Variants in CROCC2 observed in about 807,000 individuals in gnomAD.
CROCC2 encodes the protein ciliary rootlet coiled-coil, rootletin family member 2, also known as ciliary rootlet coiled-coil protein 2.
A neutral mutation model predicts 177.6 loss-of-function variants in CROCC2; 163 were observed. The observed-to-expected ratio is 0.92, with a 90% confidence interval of 0.81 to 1.05. The LOEUF (loss-of-function observed/expected upper bound fraction) is 1.05. CROCC2 is among the 50% of genes least tolerant of loss of function. The probability of loss-of-function intolerance (pLI) is 0.00; values close to 1 mark genes in which losing one functional copy is unlikely to be tolerated. For missense variants in CROCC2, 1,929 were observed against 1,797.8 expected, an observed-to-expected ratio of 1.07 and a Z score of -1.32; for synonymous variants, 904 against 787.3, an observed-to-expected ratio of 1.15 and a Z score of -2.48.
At chr2:240,992,105 G>A (rs2059883827) in intron 31 of CROCC2, among the ~76,000 whole-genome samples, 1 of 152,246 alleles carries the variant, frequency 6.6e-6, no homozygotes, top group Non-Finnish European at 1.5e-5. Context: ...TTGCTATGGA[G>A]ACCCAGGCGG....
rs141972691 is a variant in CROCC2 at position 240,918,193 on chromosome 2, G to A, written c.79-533G>A. Among the ~76,000 whole-genome samples, 129 of 152,314 alleles carry A rather than the reference G, an allele frequency of 8.5e-4. No individual in the cohort carries two copies. Among genetic ancestry groups the A allele is most frequent in the Non-Finnish European group, 1.6e-3 (106 of 68,016 alleles). ...GTGGGCAGCTGAGCAGAGAAGGATG[G>A]GTTCAGCCTCAGCCCTCTGACCCAT... On this transcript the variant is annotated intron_variant, in intron 1 of 31. Coordinates refer to ENST00000690015, the MANE Select transcript of CROCC2 (RefSeq NM_001351305.2). This position sits in a 1 kb window ranked among gnomAD's most constrained non-coding sequence, Gnocchi z 6.3.
chr2:240,910,666 C>G (rs969918389), intron 1 of CROCC2, among the ~76,000 whole-genome samples: 1 of 152,150 alleles, frequency 6.6e-6, no homozygotes, highest in Non-Finnish European at 1.5e-5. Context: ...TGATACTAGC[C>G]GCGTACCGGC....
intron 20 of CROCC2, among the ~76,000 whole-genome samples, chr2:240,961,515 A>T (rs998679428): frequency 6.8e-6 from 1 of 148,020 alleles, no homozygotes; most frequent in Non-Finnish European, 1.5e-5. Flanking sequence ...TGCACACCAC[A>T]TACAGAGTGG....
chr2:240,940,285 A>C (rs11684777), intron 14 of CROCC2, among the ~76,000 whole-genome samples: 26,834 of 151,952 alleles, frequency 0.18, 2,574 homozygotes, highest in African/African-American at 0.22. Context: ...TTAGTATTTT[A>C]TTTCTTCATG....
intron 1 of CROCC2, among the ~76,000 whole-genome samples, chr2:240,915,425 C>A (rs942560595): frequency 1.3e-5 from 2 of 152,206 alleles, no homozygotes; most frequent in Non-Finnish European, 2.9e-5. Flanking sequence ...ACACGTGGTC[C>A]ATCCACTGCA....
Position 240,967,424 on chromosome 2 carries a change from G to C in CROCC2, c.4226G>C (p.Arg1409Pro). The change falls in exon 26 of 32, where the codon CGC becomes CCC. Residue 1409 changes from arginine (R) to proline (P), a missense_variant. Transcript: ENST00000690015. ...AECRCARAQSRVGQLQKALAE... is the reference protein window; with the variant it reads ...AECRCARAQSPVGQLQKALAE... ...TGCAGGTGTGCCCGGGCCCAGAGCCGCGTGGGGCAGCTGCAGAAAGCCCTG... is the reference window on the plus strand; with the variant it reads ...TGCAGGTGTGCCCGGGCCCAGAGCCCCGTGGGGCAGCTGCAGAAAGCCCTG... 8.1e-7 allele frequency: 1 copy of C among 1,235,460 alleles called. No homozygotes were observed. The highest frequency in any genetic ancestry group is 1.2e-6 in the Non-Finnish European group (1 of 859,488). The allele number at this position is 1,235,460 out of a possible 1,614,324, so 76.5% of individuals were successfully genotyped here. A position where few individuals can be genotyped will look rare whatever the true frequency, so the allele number is the denominator to read the frequency against.
chr2:240,961,339 A>G (rs13009903), intron 20 of CROCC2, among the ~76,000 whole-genome samples: 103,781 of 152,022 alleles, frequency 0.68, 36,308 homozygotes, highest in African/African-American at 0.83. Flanking sequence ...CAAGCCTCAC[A>G]CACTCACACA....
In CROCC2 at chr2:240,960,803, C is replaced by T. The variant is rs374641536; in HGVS notation, c.3087+1359C>T. ...GGAAGAGAACATGATTTAACATGAC[C>T]GGCTGTTTACATTGGCCCCAAGGAG... On this transcript the variant is annotated intron_variant, in intron 20 of 31. Transcript: ENST00000690015. The surrounding 1 kb of genome is among the most constrained non-coding windows in gnomAD (Gnocchi z 5.0). Among the ~76,000 whole-genome samples the T allele has an allele frequency of 2.6e-5, 4 of 151,792 alleles. No homozygotes were observed. Among genetic ancestry groups the T allele is most frequent in the African/African-American group, 9.7e-5 (4 of 41,286 alleles).
At chr2:240,914,989 G>A (rs1223591806) in intron 1 of CROCC2, among the ~76,000 whole-genome samples, 1 of 152,254 alleles carries the variant, frequency 6.6e-6, no homozygotes, top group Non-Finnish European at 1.5e-5. Context: ...TCCAGATAAA[G>A]CCAAGACTCG....
intron 29 of CROCC2, 26 bp downstream of exon 29, chr2:240,988,896 A>C (rs188731392): frequency 9.9e-6 from 14 of 1,421,084 alleles, no homozygotes; most frequent in Admixed American, 2.6e-5. Flanking sequence ...GGAGCTCTGC[A>C]TACCCCAGGC....
At chr2:240,920,262 T>C in intron 3 of CROCC2, 128 bp downstream of exon 3, 1 of 581,606 alleles carries the variant, frequency 1.7e-6, no homozygotes, top group Non-Finnish European at 3.1e-6. Flanking sequence ...AAAGACAGAG[T>C]GTCAGCCACG....
intron 15 of CROCC2, among the ~76,000 whole-genome samples, chr2:240,946,518 A>G (rs2059525854): frequency 6.6e-6 from 1 of 152,218 alleles, no homozygotes; most frequent in African/African-American, 2.4e-5. Context: ...AGACCAGGGG[A>G]AGGCAGATGT....
chr2:240,952,701 G>A (rs1311665969), intron 18 of CROCC2, among the ~76,000 whole-genome samples: 3 of 152,246 alleles, frequency 2.0e-5, no homozygotes, highest in Non-Finnish European at 4.4e-5. Flanking sequence ...AGCAGTGAGA[G>A]AGGTGTGCAG....
At chr2:240,961,867 T>C (rs1465343693) in intron 20 of CROCC2, among the ~76,000 whole-genome samples, 17 of 23,718 alleles carry the variant, frequency 7.2e-4, no homozygotes, top group African/African-American at 1.8e-3. Context: ...CACACACTCA[T>C]CACACATGCT....
At position 240,918,784 on chromosome 2, in the gene CROCC2, T is replaced by C. The variant is rs1423985064; in HGVS notation, c.137T>C (p.Val46Ala). The change falls in exon 2 of 32, where the codon GTG becomes GCG. Residue 46 changes from valine to alanine, a missense_variant. Val to Ala is a moderately conservative substitution (Grantham distance 64, BLOSUM62 0). This residue lies in a region of CROCC2 where 1,397 missense variants were observed against 1,239.9 expected (regional missense o/e 1.13). Transcript: ENST00000690015. The surrounding 1 kb of genome is among the most constrained non-coding windows in gnomAD (Gnocchi z 6.3). ...AGCAGGGAAGACCGGGCGCTGACCG[T>C]GCGTGGGGAAGGCCGGCAGGCCTCG... ...TASREDRALTVRGEGRQASPT... is the reference protein window; with the variant it reads ...TASREDRALTARGEGRQASPT... 1.3e-5 allele frequency: 8 copies of C among 596,860 alleles called. No homozygotes were observed. The highest frequency in any genetic ancestry group is 2.1e-5 in the Non-Finnish European group (7 of 328,054). 37.0% of individuals were successfully genotyped at this position (596,860 alleles called of 1,614,324 possible).
Position 240,972,381 on chromosome 2 carries a change from G to A in CROCC2, c.4401+4119G>A, listed in dbSNP as rs760484623. Among the ~76,000 whole-genome samples the A allele has an allele frequency of 2.0e-5, 3 of 150,994 alleles. No homozygotes were observed. Among genetic ancestry groups the A allele is most frequent in the African/African-American group, 4.9e-5 (2 of 40,844 alleles). On this transcript the variant is annotated intron_variant, in intron 27 of 31. Transcript: ENST00000690015. This position sits in a 1 kb window ranked among gnomAD's most constrained non-coding sequence, Gnocchi z 7.1. ...GTGGGAGCGGCGCTCTCCGGTGCAC[G>A]GTCACGGTGCGGTCCTCCACCTCCC...
At chr2:240,981,107 G>T (rs2059795450) in intron 27 of CROCC2, among the ~76,000 whole-genome samples, 1 of 136,768 alleles carries the variant, frequency 7.3e-6, no homozygotes, top group Non-Finnish European at 1.5e-5. Flanking sequence ...TCAGTCTCTG[G>T]GGTAGGAGCC....
intron 1 of CROCC2, among the ~76,000 whole-genome samples, chr2:240,913,197 C>T (rs1480472572): frequency 6.6e-6 from 1 of 152,124 alleles, no homozygotes; most frequent in African/African-American, 2.4e-5. Context: ...TGCTCTGCCT[C>T]ACTCACCCCC....
intron 5 of CROCC2, chr2:240,929,755 G>A (rs1359053786): frequency 6.4e-6 from 3 of 466,888 alleles, no homozygotes. Flanking sequence ...GGAGTGGCAG[G>A]GCAGGAGCCC....
Sources: gnomAD v4.1 joint callset for allele counts (sites outside exome capture counted in the v4.1 genomes callset) on GRCh38, gnomAD v4.1.1 for gene constraint, gnomAD v4.1.1 regional missense constraint, Gnocchi (gnomAD v3.1) non-coding constraint, MANE v1.5 for transcripts, NCBI Gene and HGNC (gene_info 2026-07-23, HGNC 2026-07-21) for gene names.